AGBL4: variants seen among roughly 807,000 people sequenced by gnomAD.
AGBL4 encodes cytosolic carboxypeptidase 6.
A neutral mutation model predicts 66.4 loss-of-function variants in AGBL4; 58 were observed. That is an observed-to-expected ratio of 0.87 (90% CI 0.71 to 1.09). The LOEUF (loss-of-function observed/expected upper bound fraction) is 1.09. Among genes scored for constraint, AGBL4 ranks in the 50% least tolerant of loss-of-function variants. The pLI, the probability that AGBL4 is intolerant of heterozygous loss-of-function variation, is 0.00. For missense variants in AGBL4, 579 were observed against 631.0 expected, an observed-to-expected ratio of 0.92 and a Z score of 0.88; for synonymous variants, 234 against 222.9, an observed-to-expected ratio of 1.05 and a Z score of -0.44.
intron 5 of AGBL4, among the ~76,000 whole-genome samples, chr1:49,043,340 G>T (rs1643993816): frequency 6.6e-6 from 1 of 152,122 alleles, no homozygotes; most frequent in African/African-American, 2.4e-5. Flanking sequence ...ATGTAAGTAA[G>T]AGAATGAGGT....
chr1:49,096,448 A>G (rs1347624770), intron 4 of AGBL4, among the ~76,000 whole-genome samples: 3 of 152,046 alleles, frequency 2.0e-5, no homozygotes, highest in Admixed American at 6.6e-5. Flanking sequence ...CCAAATGTCC[A>G]ACAATGATAG....
At chr1:48,526,224 A>T in the AGBL4 span, among the ~76,000 whole-genome samples, 5 of 152,146 alleles carry the variant, frequency 3.3e-5, no homozygotes. Flanking sequence ...TATTTATTGT[A>T]TTGTCAGTCT....
chr1:48,805,134 T>C (rs533909269), intron 6 of AGBL4, among the ~76,000 whole-genome samples: 25 of 152,286 alleles, frequency 1.6e-4, no homozygotes, highest in African/African-American at 6.0e-4. Flanking sequence ...AGGTGGTTAT[T>C]GGACTCAAAG....
At chr1:49,956,787 A>C (rs1189339233) in intron 1 of AGBL4, among the ~76,000 whole-genome samples, 1 of 151,974 alleles carries the variant, frequency 6.6e-6, no homozygotes, top group Non-Finnish European at 1.5e-5. Flanking sequence ...TGGATCAATT[A>C]ATGACTTTTG....
intron 3 of AGBL4, among the ~76,000 whole-genome samples, chr1:49,657,393 G>A (rs1276441185): frequency 2.6e-5 from 4 of 152,226 alleles, no homozygotes; most frequent in East Asian, 1.9e-4. Flanking sequence ...CCATGCTCAC[G>A]GATAGGAAGA....
intron 3 of AGBL4, among the ~76,000 whole-genome samples, chr1:49,468,957 C>G (rs1186290071): frequency 1.3e-5 from 2 of 151,862 alleles, no homozygotes. Flanking sequence ...ACAGTGGTGA[C>G]CCATTGTAGT....
At chr1:49,452,094 C>T (rs1385501876) in intron 3 of AGBL4, among the ~76,000 whole-genome samples, 1 of 151,780 alleles carries the variant, frequency 6.6e-6, no homozygotes, top group Non-Finnish European at 1.5e-5. Context: ...ATTGTATACC[C>T]TCTCTCCCAC....
chr1:49,403,151 T>A (rs1645123414), intron 3 of AGBL4, among the ~76,000 whole-genome samples: 1 of 152,234 alleles, frequency 6.6e-6, no homozygotes, highest in South Asian at 2.1e-4. Flanking sequence ...GCTTTATATA[T>A]GTGAGTGCTA....
chr1:49,741,372 A>C (rs1650450479), intron 2 of AGBL4, among the ~76,000 whole-genome samples: 1 of 152,264 alleles, frequency 6.6e-6, no homozygotes, highest in Admixed American at 6.5e-5. Flanking sequence ...ATCTCTGAAT[A>C]GACCAATAAC....
In AGBL4 at chr1:49,097,574, G is replaced by C. The variant is rs190316247; in HGVS notation, c.378-51774C>G. On this transcript the variant is annotated intron_variant, in intron 4 of 13. Transcript: ENST00000371839. ...TGGGGAAAAGACTAGAAAGACTTTGGCTCTAGACAATTTTTTATTTTTGTG... is the reference window on the plus strand; with the variant it reads ...TGGGGAAAAGACTAGAAAGACTTTGCCTCTAGACAATTTTTTATTTTTGTG... Among the ~76,000 whole-genome samples, 118 of 152,294 alleles carry C rather than the reference G, an allele frequency of 7.7e-4. 1 individual carries two copies. The East Asian group carries it at 0.019, about 25-fold the overall frequency.
chr1:49,657,925 C>T (rs1465600765), intron 3 of AGBL4, among the ~76,000 whole-genome samples: 2 of 152,166 alleles, frequency 1.3e-5, no homozygotes, highest in South Asian at 2.1e-4. Context: ...CCTAGGCAAT[C>T]CCATTCAGGA....
At chr1:49,933,458 A>G (rs903982579) in intron 1 of AGBL4, among the ~76,000 whole-genome samples, 1 of 152,148 alleles carries the variant, frequency 6.6e-6, no homozygotes, top group African/African-American at 2.4e-5. Context: ...AAGCATATGA[A>G]AGTAAAAAAC....
chr1:49,893,689 C>T (rs529565405), intron 1 of AGBL4, among the ~76,000 whole-genome samples: 4 of 152,280 alleles, frequency 2.6e-5, no homozygotes, highest in South Asian at 2.1e-4. Context: ...GGTTTGAGAG[C>T]CAGCTCAGCC....
intron 1 of AGBL4, among the ~76,000 whole-genome samples, chr1:49,967,430 A>C (rs946054925): frequency 1.3e-5 from 2 of 151,958 alleles, no homozygotes; most frequent in East Asian, 3.9e-4. Flanking sequence ...ACCAAACACC[A>C]CACGTTCTCA....
chr1:49,415,129 C>A (rs944345402), intron 3 of AGBL4, among the ~76,000 whole-genome samples: 5 of 152,108 alleles, frequency 3.3e-5, no homozygotes, highest in African/African-American at 1.2e-4. Flanking sequence ...TACTTCTTCG[C>A]TAGCCCAAGG....
chr1:49,172,472 A>AAG (rs1424827678), intron 4 of AGBL4, among the ~76,000 whole-genome samples: 7 of 152,078 alleles, frequency 4.6e-5, no homozygotes, highest in Admixed American at 2.0e-4. Context: ...AACCAGTAGG[A>AAG]AGAGAGAGAG....
chr1:49,483,919 A>C (rs1055702876), intron 3 of AGBL4, among the ~76,000 whole-genome samples: 3 of 152,072 alleles, frequency 2.0e-5, no homozygotes, highest in African/African-American at 7.2e-5. Flanking sequence ...ATATCTAATA[A>C]TCTGATATAA....
At chr1:48,955,602 C>A (rs1263260693) in intron 5 of AGBL4, among the ~76,000 whole-genome samples, 1 of 152,212 alleles carries the variant, frequency 6.6e-6, no homozygotes, top group African/African-American at 2.4e-5. Context: ...ACTACAGCCT[C>A]AAACTCCTAG....
intron 3 of AGBL4, among the ~76,000 whole-genome samples, chr1:49,677,560 C>A (rs1646605154): frequency 6.6e-6 from 1 of 152,036 alleles, no homozygotes; most frequent in South Asian, 2.1e-4. Context: ...TTTTAACTTG[C>A]ACTCTCTTTG....
Sources: allele counts gnomAD v4.1 joint callset (sites outside exome capture counted in the v4.1 genomes callset), GRCh38; gene constraint gnomAD v4.1.1; transcripts MANE v1.5; gene names NCBI Gene and HGNC (gene_info 2026-07-23, HGNC 2026-07-21).